Variants in HPSE2 observed in about 807,000 individuals in gnomAD.
HPSE2 encodes inactive heparanase-2.
Under a neutral mutation model 60.5 loss-of-function variants are expected in HPSE2, and 38 were observed. The observed-to-expected ratio is 0.63, with a 90% CI of 0.48 to 0.82. The LOEUF (loss-of-function observed/expected upper bound fraction) is 0.82. HPSE2 is among the 40% of genes least tolerant of loss of function. HPSE2 has a pLI of 0.00. For missense variants in HPSE2, 713 were observed against 740.4 expected, an observed-to-expected ratio of 0.96 and a Z score of 0.43; for synonymous variants, 295 against 293.2, an observed-to-expected ratio of 1.01 and a Z score of -0.06.
chr10:99,025,771 CTGGGTGATGAAATAACAT>C (rs987379419), intron 3 of HPSE2, among the ~76,000 whole-genome samples: 3 of 151,916 alleles, frequency 2.0e-5, no homozygotes, highest in Admixed American at 6.6e-5. Context: ...GGCTTAATAC[CTGGGTGATGAAATAACAT>C]TGGGTGATGA....
chr10:98,965,283 G>C (rs1452496760), intron 3 of HPSE2, among the ~76,000 whole-genome samples: 1 of 152,042 alleles, frequency 6.6e-6, no homozygotes, highest in Non-Finnish European at 1.5e-5. Flanking sequence ...AAATAGCTCA[G>C]GAAAGTATAA....
chr10:99,279,644 T>C, the HPSE2 span, among the ~76,000 whole-genome samples: 2 of 152,242 alleles, frequency 1.3e-5, no homozygotes, highest in Non-Finnish European at 2.9e-5. Context: ...ATGCCTAGTG[T>C]ACATAAGACA....
At chr10:99,103,494 A>G (rs991410345) in intron 3 of HPSE2, among the ~76,000 whole-genome samples, 3 of 152,228 alleles carry the variant, frequency 2.0e-5, no homozygotes, top group Non-Finnish European at 2.9e-5. Context: ...GGATACAAAC[A>G]AATGGAAGAA....
intron 3 of HPSE2, among the ~76,000 whole-genome samples, chr10:99,105,773 T>G (rs577121313): frequency 6.6e-6 from 1 of 152,234 alleles, no homozygotes; most frequent in Non-Finnish European, 1.5e-5. Flanking sequence ...ATTATGTCTA[T>G]GGTCCATTTT....
intron 3 of HPSE2, among the ~76,000 whole-genome samples, chr10:98,757,309 T>C (rs1364142189): frequency 6.6e-6 from 1 of 152,214 alleles, no homozygotes; most frequent in Non-Finnish European, 1.5e-5. Flanking sequence ...CTATTCAACA[T>C]AGTACTGGAA....
chr10:99,056,138 T>C (rs1186254386), intron 3 of HPSE2, among the ~76,000 whole-genome samples: 1 of 151,938 alleles, frequency 6.6e-6, no homozygotes, highest in South Asian at 2.1e-4. Context: ...ACAGATCCTA[T>C]AGACATTAAA....
chr10:98,567,497 T>C (rs1352968252), intron 9 of HPSE2, among the ~76,000 whole-genome samples: 5 of 152,196 alleles, frequency 3.3e-5, no homozygotes, highest in African/African-American at 1.2e-4. Context: ...GTTTTGTGGT[T>C]GGCTTTTGGA....
At chr10:98,806,916 G>C (rs1951055236) in intron 3 of HPSE2, among the ~76,000 whole-genome samples, 1 of 152,164 alleles carries the variant, frequency 6.6e-6, no homozygotes, top group African/African-American at 2.4e-5. Context: ...GGCCGAGGCA[G>C]GCGAATCACG....
At chr10:99,008,536 C>G (rs996835208) in intron 3 of HPSE2, among the ~76,000 whole-genome samples, 2 of 152,130 alleles carry the variant, frequency 1.3e-5, no homozygotes, top group East Asian at 3.8e-4. Flanking sequence ...ATGTTTCTGC[C>G]CCACTGGACA....
At chr10:98,970,010 G>GGAGT (rs1564699857) in intron 3 of HPSE2, among the ~76,000 whole-genome samples, 2 of 151,416 alleles carry the variant, frequency 1.3e-5, no homozygotes, top group African/African-American at 4.9e-5. Context: ...TTGCCCAGCT[G>GGAGT]GAGTGCAATG....
At chr10:98,727,375 G>A (rs543735379) in intron 4 of HPSE2, among the ~76,000 whole-genome samples, 5 of 152,306 alleles carry the variant, frequency 3.3e-5, no homozygotes, top group Middle Eastern at 3.4e-3. Flanking sequence ...GACAGTCTGG[G>A]CACAGTGGCT....
At chr10:98,594,595 C>T (rs568759773) in intron 9 of HPSE2, among the ~76,000 whole-genome samples, 4 of 152,154 alleles carry the variant, frequency 2.6e-5, no homozygotes, top group Admixed American at 2.6e-4. Context: ...CCATAATGTC[C>T]TCCTCCAAGT....
chr10:98,636,370 G>A (rs1489266006), intron 7 of HPSE2, among the ~76,000 whole-genome samples: 2 of 152,006 alleles, frequency 1.3e-5, no homozygotes, highest in African/African-American at 4.8e-5. Context: ...CACCTGAGTA[G>A]CTGGGATTAC....
In HPSE2 at chr10:98,541,225, C is replaced by T. The variant is rs12569375; in HGVS notation, c.1321-51029G>A. Among the ~76,000 whole-genome samples, 18 of 152,262 alleles carry T rather than the reference C, an allele frequency of 1.2e-4. No individual in the cohort carries two copies. In the East Asian group the frequency reaches 2.3e-3, roughly 20 times the overall value. On this transcript the variant is annotated intron_variant, in intron 9 of 11. Transcript: ENST00000370552. ...TAAAATTAAATTTTTAAAAGGCGAT[C>T]TTTGTTCTTTTGAAATGTACTGCAT...
intron 2 of HPSE2, among the ~76,000 whole-genome samples, chr10:99,160,877 C>A (rs1175791413): frequency 2.4e-5 from 3 of 125,342 alleles, no homozygotes; most frequent in African/African-American, 9.0e-5. Context: ...CCAGCCTGGG[C>A]GACACAGCGA....
chr10:99,132,198 AGAGAGAGAGAGAGAGAGAG>A, intron 3 of HPSE2, among the ~76,000 whole-genome samples: 1 of 15,418 alleles, frequency 6.5e-5, no homozygotes, highest in African/African-American at 1.2e-4. Context: ...AGAAAGAGAG[AGAGAGAGAGAGAGAGAGAG>A]AGAGAGAGAG....
intron 3 of HPSE2, among the ~76,000 whole-genome samples, chr10:99,071,069 CTTTTT>C: frequency 7.5e-6 from 1 of 132,584 alleles, no homozygotes; most frequent in African/African-American, 2.8e-5. Context: ...ATTTTTAATT[CTTTTT>C]TTTTTTTTTT....
intron 3 of HPSE2, among the ~76,000 whole-genome samples, chr10:98,913,737 A>G (rs947794631): frequency 6.6e-6 from 1 of 152,188 alleles, no homozygotes; most frequent in Non-Finnish European, 1.5e-5. Context: ...CCTGAATTAG[A>G]GCAATAAAAT....
chr10:99,165,529 GTATT>G (rs71009726), intron 2 of HPSE2, among the ~76,000 whole-genome samples: 82 of 144,072 alleles, frequency 5.7e-4, no homozygotes, highest in Admixed American at 1.1e-3. Flanking sequence ...ATTTATTTAC[GTATT>G]TATTTATTTA....
Sources: gnomAD v4.1 joint callset for allele counts (sites outside exome capture counted in the v4.1 genomes callset) on GRCh38, gnomAD v4.1.1 for gene constraint, MANE v1.5 for transcripts, NCBI Gene and HGNC (gene_info 2026-07-23, HGNC 2026-07-21) for gene names.